CEP83: variants seen among roughly 807,000 people sequenced by gnomAD.
CEP83 encodes centrosomal protein of 83 kDa.
Under a neutral mutation model 101.9 loss-of-function variants are expected in CEP83, and 70 were observed. The observed-to-expected ratio is 0.69, with a 90% CI of 0.57 to 0.84. CEP83 has a LOEUF of 0.84. Among genes scored for constraint, CEP83 ranks in the 40% least tolerant of loss-of-function variants. The pLI, the probability that CEP83 is intolerant of heterozygous loss-of-function variation, is 0.00. For missense variants in CEP83, 715 were observed against 787.2 expected (o/e 0.91, Z 1.10); for synonymous variants, 264 against 267.9 (o/e 0.99, Z 0.14).
intron 13 of CEP83, among the ~76,000 whole-genome samples, chr12:94,332,364 T>C (rs2059260303): frequency 6.6e-6 from 1 of 152,200 alleles, no homozygotes; most frequent in Non-Finnish European, 1.5e-5. Flanking sequence ...GCATACTTTA[T>C]ATGATTTTTT....
At chr12:94,444,699 T>C (rs2066669239) in intron 1 of CEP83, among the ~76,000 whole-genome samples, 1 of 151,934 alleles carries the variant, frequency 6.6e-6, no homozygotes, top group South Asian at 2.1e-4. Context: ...AAAGAGACTA[T>C]TAAAAAAGCA....
At chr12:94,364,335 T>A (rs1409186258) in intron 11 of CEP83, among the ~76,000 whole-genome samples, 3 of 152,194 alleles carry the variant, frequency 2.0e-5, no homozygotes, top group African/African-American at 2.4e-5. Flanking sequence ...GCAAACAAAC[T>A]TTTTAATGGA....
At chr12:94,276,617 T>G in the CEP83 span, among the ~76,000 whole-genome samples, 1 of 152,204 alleles carries the variant, frequency 6.6e-6, no homozygotes, top group Non-Finnish European at 1.5e-5. Context: ...ACTCAGCCCC[T>G]CTGTGCCTCA....
Position 94,412,464 on chromosome 12 carries a change from C to T in CEP83, c.27G>A (p.Met9Ile). The stretch of plus-strand genomic sequence containing the variant: ...GAGGAAAATTATTGGGAAAAGTGTC[C>T]ATATCGGTAAATGTGCTGACAACCA... MVVSTFTD[M>I]DTFPNNFPPG... The change falls in exon 3 of 17, where the codon ATG (methionine) becomes ATA (isoleucine). Residue 9 changes from methionine (M) to isoleucine (I), a missense_variant. Transcript: ENST00000397809. The T allele has an allele frequency of 6.2e-7, 1 of 1,612,702 alleles. No individual in the cohort carries two copies. Among genetic ancestry groups the T allele is most frequent in the Non-Finnish European group, 8.5e-7 (1 of 1,179,510 alleles).
chr12:94,361,643 A>G (rs745620797), intron 11 of CEP83: 2 of 152,226 alleles, frequency 1.3e-5, no homozygotes, highest in Non-Finnish European at 2.9e-5. Context: ...CAACAAGGAA[A>G]CAATCAACAG....
Position 94,340,183 on chromosome 12 carries a change from T to C in CEP83, c.1344-4519A>G, listed in dbSNP as rs149314252. ...AAATAAGAGCCCTGGCTTTAAGCCA[T>C]GCAAAAAATAAATTAAGGGGGTATT... On this transcript the variant is annotated intron_variant, in intron 11 of 16. Coordinates refer to ENST00000397809, the MANE Select transcript of CEP83 (RefSeq NM_016122.3). Among the ~76,000 whole-genome samples, 119 of 152,294 alleles carry C rather than the reference T, an allele frequency of 7.8e-4. 1 individual carries two copies. The East Asian group carries it at 0.022, about 28-fold the overall frequency.
At chr12:94,439,638 C>G (rs2066252162) in intron 1 of CEP83, among the ~76,000 whole-genome samples, 1 of 151,592 alleles carries the variant, frequency 6.6e-6, no homozygotes. Flanking sequence ...ATGAATCCTA[C>G]TGAAGCTATT....
chr12:94,266,067 G>GGAA, the CEP83 span, among the ~76,000 whole-genome samples: 1 of 152,198 alleles, frequency 6.6e-6, no homozygotes, highest in African/African-American at 2.4e-5. Context: ...TAGTGGAGGA[G>GGAA]GAAAAGATTA....
downstream of CEP83, among the ~76,000 whole-genome samples, chr12:94,303,518 T>TA (rs1478938614): frequency 6.6e-6 from 1 of 152,124 alleles, no homozygotes; most frequent in East Asian, 1.9e-4. Flanking sequence ...GAAGGCAGAA[T>TA]ATATTAGCAT....
rs775468824 is a variant in CEP83 at position 94,367,853 on chromosome 12, C to T, written c.1284G>A (p.Glu428=). 107 of 1,613,624 alleles carry T rather than the reference C, an allele frequency of 6.6e-5. No homozygotes were observed. The highest frequency in any genetic ancestry group is 8.9e-5 in the Non-Finnish European group (105 of 1,179,844). ...WRQSEKDQYE[E]KLRASQMAEE... ...CTGCCATCTGTGAAGCCCGCAATTT[C>T]TCTTCATACTGATCCTTTTCAGATT... The change falls in exon 11 of 17, where the codon GAG becomes GAA. Residue 428 remains glutamate (E), a synonymous_variant. Transcript: ENST00000397809.
At chr12:94,283,293 AG>A in the CEP83 span, among the ~76,000 whole-genome samples, 2 of 152,210 alleles carry the variant, frequency 1.3e-5, no homozygotes, top group Non-Finnish European at 2.9e-5. Context: ...AGACTGGGCT[AG>A]GGTGCAGGCA....
At chr12:94,318,631 A>G (rs1971103799) in intron 14 of CEP83, among the ~76,000 whole-genome samples, 1 of 152,180 alleles carries the variant, frequency 6.6e-6, no homozygotes, top group African/African-American at 2.4e-5. Flanking sequence ...AGGGATGGTG[A>G]ATTTTATCAA....
At chr12:94,286,756 CCTA>C in the CEP83 span, among the ~76,000 whole-genome samples, 3 of 152,156 alleles carry the variant, frequency 2.0e-5, no homozygotes, top group Non-Finnish European at 2.9e-5. Context: ...GCCAGTTCCT[CCTA>C]CTATCTAAAC....
intron 1 of CEP83, among the ~76,000 whole-genome samples, chr12:94,442,401 A>G (rs2066477887): frequency 6.6e-6 from 1 of 152,130 alleles, no homozygotes; most frequent in Admixed American, 6.5e-5. Context: ...AAAAGACTAC[A>G]CACCGGGTGC....
In CEP83 at chr12:94,412,539, G is replaced by A. The variant is rs763955810; in HGVS notation, c.-49C>T. 6.4e-7 allele frequency: 1 copy of A among 1,559,146 alleles called. No homozygotes were observed. The highest frequency in any genetic ancestry group is 1.8e-5 in the Admixed American group (1 of 56,338). ...TACTGTTTTAGTTTTCTTTCCAAGG[G>A]TATTTCCCACTCCTTTCTTGCTAAG... On this transcript the variant is annotated 5_prime_UTR_variant, in exon 3 of 17. Transcript: ENST00000397809.
chr12:94,379,633 G>A (rs1227497141), intron 6 of CEP83, among the ~76,000 whole-genome samples: 1 of 152,156 alleles, frequency 6.6e-6, no homozygotes, highest in Non-Finnish European at 1.5e-5. Flanking sequence ...TCCAGGGCAG[G>A]TGTTAAAGTC....
intron 8 of CEP83, among the ~76,000 whole-genome samples, chr12:94,373,796 C>A (rs1372792967): frequency 6.6e-6 from 1 of 152,184 alleles, no homozygotes; most frequent in Non-Finnish European, 1.5e-5. Context: ...GACAAACACA[C>A]CCCAGGTGTT....
chr12:94,419,318 AT>A (rs2064534933), intron 2 of CEP83, among the ~76,000 whole-genome samples: 1 of 152,134 alleles, frequency 6.6e-6, no homozygotes, highest in Non-Finnish European at 1.5e-5. Context: ...TGTGCAAACT[AT>A]TTATTATAGG....
the CEP83 span, among the ~76,000 whole-genome samples, chr12:94,298,051 T>A: frequency 6.6e-6 from 1 of 152,216 alleles, no homozygotes; most frequent in Non-Finnish European, 1.5e-5. Flanking sequence ...TTGATGGGCA[T>A]GCTTCTTCAG....
Sources: gnomAD v4.1 joint callset for allele counts (sites outside exome capture counted in the v4.1 genomes callset) on GRCh38, gnomAD v4.1.1 for gene constraint, MANE v1.5 for transcripts, NCBI Gene and HGNC (gene_info 2026-07-23, HGNC 2026-07-21) for gene names.